The following PRKAR1B variants were observed in gnomAD, a reference collection of about 807,000 sequenced individuals.
The protein encoded by PRKAR1B is protein kinase cAMP-dependent type I regulatory subunit beta.
A neutral mutation model predicts 46.5 loss-of-function variants in PRKAR1B; 22 were observed. That is an observed-to-expected ratio of 0.47 (90% CI 0.34 to 0.68). The LOEUF is 0.68. Among genes scored for constraint, PRKAR1B ranks in the 30% least tolerant of loss-of-function variants. The pLI is 0.01. For synonymous variants in PRKAR1B, 259 were observed against 217.7 expected (o/e 1.19, Z -1.67); for missense variants, 445 against 535.6 (o/e 0.83, Z 1.67).
intron 2 of PRKAR1B, among the ~76,000 whole-genome samples, chr7:696,021 T>C (rs1292603325): frequency 7.1e-6 from 1 of 141,448 alleles, no homozygotes; most frequent in East Asian, 2.1e-4. Flanking sequence ...CAGGCTGGAG[T>C]ATAGTGGCGT....
intron 1 of PRKAR1B, among the ~76,000 whole-genome samples, chr7:720,795 C>G (rs1167106687): frequency 6.6e-6 from 1 of 152,188 alleles, no homozygotes. Flanking sequence ...TTACATGATA[C>G]TCTTTTGCCA....
rs542321880 is a variant in PRKAR1B, at chr7:641,150, C to T, written c.441-33698G>A. Among the ~76,000 whole-genome samples, 309 of 152,210 alleles carry T rather than the reference C, an allele frequency of 2.0e-3. 2 individuals carry two copies. The highest frequency in any genetic ancestry group is 7.1e-3 in the African/African-American group (295 of 41,522). ...TGTATTTTTAGTAGAGACGGCGTTT[C>T]ACCGTGTTGGCCAGGATGGTCTCCA... On this transcript the variant is annotated intron_variant, in intron 4 of 10. Coordinates refer to ENST00000537384, the MANE Select transcript of PRKAR1B (RefSeq NM_001164760.2).
chr7:682,272 A>G (rs746463785), intron 2 of PRKAR1B, among the ~76,000 whole-genome samples: 21 of 152,140 alleles, frequency 1.4e-4, no homozygotes, highest in Non-Finnish European at 2.1e-4. Flanking sequence ...AAATGAAGAC[A>G]CATGTCCCTG....
chr7:697,567 GC>G (rs1466760049), intron 2 of PRKAR1B, among the ~76,000 whole-genome samples: 8 of 152,204 alleles, frequency 5.3e-5, no homozygotes, highest in African/African-American at 1.9e-4. Context: ...CCCTAAGACA[GC>G]CCCTCTGCAC....
intron 4 of PRKAR1B, among the ~76,000 whole-genome samples, chr7:676,344 G>A (rs76772996): frequency 0.072 from 10,899 of 152,162 alleles, 998 homozygotes; most frequent in African/African-American, 0.21. Context: ...CTGCGACCCT[G>A]CAGACCTCAT....
chr7:716,661 C>A (rs1760098761), intron 1 of PRKAR1B: 1 of 152,196 alleles, frequency 6.6e-6, no homozygotes, highest in African/African-American at 2.4e-5. Context: ...GGCGAAGAGA[C>A]CAACACAGCT....
At chr7:726,812 T>C (rs1245538197) in intron 1 of PRKAR1B, 1 of 1,322,382 alleles carries the variant, frequency 7.6e-7, no homozygotes, top group Non-Finnish European at 9.6e-7. Flanking sequence ...AGCCGCGCCC[T>C]GAGCCGCCTG....
In PRKAR1B at chr7:691,708, T is replaced by C; in HGVS notation, c.178-10982A>G. On this transcript the variant is annotated intron_variant, in intron 2 of 10. Coordinates refer to ENST00000537384, the MANE Select transcript of PRKAR1B (RefSeq NM_001164760.2). ...ACCTCACACGGTCAAAAGCAGCTCC[T>C]CGTGGACAAAACCCCGGGGAGGGGA... The C allele has an allele frequency of 2.4e-6, 3 of 1,260,778 alleles. No homozygotes were observed. In the South Asian group the frequency reaches 4.0e-5, roughly 17 times the overall value. 78.1% of individuals were successfully genotyped at this position (1,260,778 alleles called of 1,614,324 possible).
At chr7:656,846 T>G (rs1002303417) in intron 4 of PRKAR1B, among the ~76,000 whole-genome samples, 5 of 152,084 alleles carry the variant, frequency 3.3e-5, no homozygotes, top group Admixed American at 2.6e-4. Context: ...AGTCAATGTG[T>G]GGATGGGTGA....
chr7:670,859 C>T (rs1020494293), intron 4 of PRKAR1B, among the ~76,000 whole-genome samples: 9 of 150,120 alleles, frequency 6.0e-5, no homozygotes, highest in East Asian at 2.0e-4. Flanking sequence ...GGACAGCCTC[C>T]GAGCTCCCCC....
At chr7:622,452 C>T (rs914279831) in intron 4 of PRKAR1B, among the ~76,000 whole-genome samples, 48 of 152,340 alleles carry the variant, frequency 3.2e-4, no homozygotes, top group African/African-American at 1.1e-3. Context: ...AGCATCATGA[C>T]ATTGACCTGG....
intron 4 of PRKAR1B, among the ~76,000 whole-genome samples, chr7:613,495 G>A (rs1294173708): frequency 2.0e-5 from 3 of 152,156 alleles, no homozygotes; most frequent in East Asian, 1.9e-4. Context: ...GGAAGCGTAC[G>A]GGATCAGAAC....
intron 4 of PRKAR1B, among the ~76,000 whole-genome samples, chr7:670,666 G>A (rs1786194107): frequency 6.7e-6 from 1 of 149,090 alleles, no homozygotes; most frequent in African/African-American, 2.5e-5. Context: ...ATCCAGCAGA[G>A]GGACTCAGGA....
In PRKAR1B at chr7:621,931, G is replaced by A. The variant is rs137976328; in HGVS notation, c.441-14479C>T. On this transcript the variant is annotated intron_variant, in intron 4 of 10. Coordinates refer to ENST00000537384, the MANE Select transcript of PRKAR1B (RefSeq NM_001164760.2). Reference sequence around the variant, plus strand: ...TGCTGGTTCCAAACCCCATGCAGCCGCTCCCCCAGTGCTGCTAGAAGGGTC... The same window carrying A: ...TGCTGGTTCCAAACCCCATGCAGCCACTCCCCCAGTGCTGCTAGAAGGGTC... 2.2e-3 allele frequency among the ~76,000 whole-genome samples: 330 copies of A among 152,332 alleles called. 2 individuals are homozygous for A. Among genetic ancestry groups the A allele is most frequent in the South Asian group, 9.1e-3 (44 of 4,826 alleles).
chr7:692,371 G>C (rs950172744), intron 2 of PRKAR1B, among the ~76,000 whole-genome samples: 1 of 152,182 alleles, frequency 6.6e-6, no homozygotes, highest in Non-Finnish European at 1.5e-5. Flanking sequence ...TGGCACTCCA[G>C]CCTGGGCAAC....
intron 9 of PRKAR1B, among the ~76,000 whole-genome samples, chr7:575,483 G>A (rs535221840): frequency 2.6e-4 from 39 of 152,306 alleles, no homozygotes; most frequent in African/African-American, 8.2e-4. Context: ...AGGGGAGGGG[G>A]TTAGACTCCC....
intron 4 of PRKAR1B, among the ~76,000 whole-genome samples, chr7:642,484 G>C (rs1181277518): frequency 6.6e-6 from 1 of 152,160 alleles, no homozygotes; most frequent in Non-Finnish European, 1.5e-5. Flanking sequence ...CCAGCACTTT[G>C]GGGGGCCGAG....
chr7:677,736 T>A (rs1182431186), intron 3 of PRKAR1B, among the ~76,000 whole-genome samples: 1 of 152,074 alleles, frequency 6.6e-6, no homozygotes, highest in Non-Finnish European at 1.5e-5. Flanking sequence ...CTCTTGTTAC[T>A]TTTGAAATGC....
chr7:550,627 G>C, intron 10 of PRKAR1B, 25 bp from the exon 11 acceptor site: 1 of 1,517,902 alleles, frequency 6.6e-7, no homozygotes, highest in South Asian at 1.3e-5. Context: ...GAGAGGTCAG[G>C]GCTGGGCCTG....
Sources: gnomAD v4.1 joint callset for allele counts (sites outside exome capture counted in the v4.1 genomes callset) on GRCh38, gnomAD v4.1.1 for gene constraint, MANE v1.5 for transcripts, NCBI Gene and HGNC (gene_info 2026-07-23, HGNC 2026-07-21) for gene names.